The following ENPP6 variants were observed in gnomAD, a reference collection of about 807,000 sequenced individuals.
The protein encoded by ENPP6 is glycerophosphocholine cholinephosphodiesterase ENPP6.
In ENPP6, 32 loss-of-function variants were observed where a neutral mutation model predicts 42.0. The ratio of observed to expected loss-of-function variants is 0.76; its 90% CI spans 0.58 to 1.02. The LOEUF (loss-of-function observed/expected upper bound fraction) is 1.02. ENPP6 is among the 50% of genes least tolerant of loss of function. ENPP6 has a pLI of 0.00. For missense variants in ENPP6, 552 were observed against 566.8 expected (o/e 0.97, Z 0.27); for synonymous variants, 213 against 216.0 (o/e 0.99, Z 0.12).
intron 1 of ENPP6, among the ~76,000 whole-genome samples, chr4:184,180,391 C>T (rs946553719): frequency 2.0e-5 from 3 of 152,044 alleles, no homozygotes; most frequent in Non-Finnish European, 4.4e-5. Flanking sequence ...AAAAAAAGCC[C>T]AGGACCAGAC....
intron 6 of ENPP6, among the ~76,000 whole-genome samples, chr4:184,111,789 C>T (rs148853395): frequency 1.3e-5 from 2 of 152,156 alleles, no homozygotes; most frequent in African/African-American, 2.4e-5. Flanking sequence ...TTCCCATGCC[C>T]ATGTCCCGGA....
intron 2 of ENPP6, among the ~76,000 whole-genome samples, chr4:184,149,428 G>A (rs1402890655): frequency 6.6e-6 from 1 of 152,242 alleles, no homozygotes; most frequent in Non-Finnish European, 1.5e-5. Context: ...TATAGAAGCT[G>A]AGTCAAATGC....
intron 1 of ENPP6, among the ~76,000 whole-genome samples, chr4:184,178,067 C>G (rs781626616): frequency 1.3e-5 from 2 of 152,142 alleles, no homozygotes; most frequent in East Asian, 1.9e-4. Context: ...TAATAACAAA[C>G]TTTGCTGAGC....
At chr4:184,100,999 T>G (rs1393701344) in intron 6 of ENPP6, among the ~76,000 whole-genome samples, 2 of 151,400 alleles carry the variant, frequency 1.3e-5, no homozygotes, top group Non-Finnish European at 2.9e-5. Context: ...GTGCCAGGAG[T>G]GGGTGCCCGA....
chr4:184,093,720 G>T (rs538088065), intron 7 of ENPP6, among the ~76,000 whole-genome samples: 1 of 151,588 alleles, frequency 6.6e-6, no homozygotes, highest in South Asian at 2.1e-4. Context: ...AGAAAGGGCT[G>T]CCCCAGTATC....
intron 1 of ENPP6, among the ~76,000 whole-genome samples, chr4:184,166,669 C>T (rs1737353350): frequency 6.6e-6 from 1 of 152,240 alleles, no homozygotes; most frequent in Non-Finnish European, 1.5e-5. Flanking sequence ...TTTTGAGGCA[C>T]ACTCCCATTT....
At chr4:184,172,557 A>T (rs569147546) in intron 1 of ENPP6, among the ~76,000 whole-genome samples, 1 of 152,314 alleles carries the variant, frequency 6.6e-6, no homozygotes, top group South Asian at 2.1e-4. Flanking sequence ...GGATGGAAGC[A>T]GGGTGACTTG....
chr4:184,171,114 T>C (rs1169038334), intron 1 of ENPP6, among the ~76,000 whole-genome samples: 4 of 152,134 alleles, frequency 2.6e-5, no homozygotes, highest in Non-Finnish European at 5.9e-5. Flanking sequence ...GGATGGAGCA[T>C]GGAAGGGAAA....
chr4:184,174,125 G>A (rs1737522445), intron 1 of ENPP6, among the ~76,000 whole-genome samples: 1 of 146,550 alleles, frequency 6.8e-6, no homozygotes, highest in Admixed American at 7.0e-5. Context: ...CTTAGAAGAG[G>A]TCCCAAATCC....
rs1334313680 is a variant in ENPP6, at chr4:184,124,253, C to T, written c.441G>A (p.Leu147=). The change falls in exon 3 of 8, where the codon CTG becomes CTA. Residue 147 remains leucine (L), a synonymous_variant. Transcript: ENST00000296741. The part of the protein sequence containing the change: ...YYWPGCEVEI[L]GVRPTYCLEY... ...CTAGGCAGTAGGTGGGTCTGACACC[C>T]AGAATCTCAACCTCACAGCCTGAGA... 7.4e-6 allele frequency: 12 copies of T among 1,613,524 alleles called. No homozygotes were observed. Among genetic ancestry groups the T allele is most frequent in the Non-Finnish European group, 8.5e-6 (10 of 1,179,802 alleles).
At chr4:184,103,725 C>T (rs569527309) in intron 6 of ENPP6, among the ~76,000 whole-genome samples, 24 of 152,348 alleles carry the variant, frequency 1.6e-4, no homozygotes, top group Non-Finnish European at 2.4e-4. Context: ...CTTTGGAGCC[C>T]GTGGGAGTGG....
intron 1 of ENPP6, among the ~76,000 whole-genome samples, chr4:184,165,830 A>T (rs1430887736): frequency 6.6e-6 from 1 of 152,194 alleles, no homozygotes; most frequent in African/African-American, 2.4e-5. Context: ...TGGTTACAAG[A>T]AGCAACTTTA....
At chr4:184,168,471 C>T (rs1393539351) in intron 1 of ENPP6, among the ~76,000 whole-genome samples, 1 of 152,164 alleles carries the variant, frequency 6.6e-6, no homozygotes, top group Non-Finnish European at 1.5e-5. Flanking sequence ...CACCACGTTG[C>T]ATCTGCCTTG....
chr4:184,194,033 C>G (rs762410278), intron 1 of ENPP6, among the ~76,000 whole-genome samples: 1 of 152,172 alleles, frequency 6.6e-6, no homozygotes, highest in Non-Finnish European at 1.5e-5. Flanking sequence ...CTCTTTGCCT[C>G]TTCCTTGTCT....
At chr4:184,196,656 A>C (rs569866894) in intron 1 of ENPP6, among the ~76,000 whole-genome samples, 30 of 152,236 alleles carry the variant, frequency 2.0e-4, no homozygotes, top group Non-Finnish European at 3.4e-4. Context: ...GGTGGAGGAA[A>C]GCCAGGGCTT....
intron 1 of ENPP6, among the ~76,000 whole-genome samples, chr4:184,182,129 T>C (rs1247698813): frequency 6.7e-6 from 1 of 149,624 alleles, no homozygotes; most frequent in Non-Finnish European, 1.5e-5. Flanking sequence ...AGATCTAATA[T>C]CCAGAATCTA....
At chr4:184,099,476 T>C (rs1013571177) in intron 6 of ENPP6, among the ~76,000 whole-genome samples, 5 of 152,154 alleles carry the variant, frequency 3.3e-5, no homozygotes, top group South Asian at 2.1e-4. Context: ...TGACACACAA[T>C]AGGTGTTCAA....
intron 1 of ENPP6, among the ~76,000 whole-genome samples, chr4:184,175,467 C>T (rs1206904058): frequency 6.6e-6 from 1 of 152,164 alleles, no homozygotes; most frequent in African/African-American, 2.4e-5. Flanking sequence ...CTCTTCTACA[C>T]CACTATGAGT....
intron 5 of ENPP6, among the ~76,000 whole-genome samples, chr4:184,115,904 T>A (rs910871626): frequency 2.0e-5 from 3 of 152,182 alleles, no homozygotes; most frequent in African/African-American, 7.2e-5. Context: ...TGAGAAGTGC[T>A]GCATTTGGGC....
Sources: allele counts gnomAD v4.1 joint callset (sites outside exome capture counted in the v4.1 genomes callset), GRCh38; gene constraint gnomAD v4.1.1; transcripts MANE v1.5; gene names NCBI Gene and HGNC (gene_info 2026-07-23, HGNC 2026-07-21).